Variants in CUX2 observed in about 807,000 individuals in gnomAD.
CUX2 encodes the protein homeobox protein cut-like 2.
CUX2 carries 40 observed loss-of-function variants against 144.8 expected under a neutral mutation model. The ratio of observed to expected loss-of-function variants is 0.28; its 90% CI spans 0.21 to 0.36. CUX2 has a LOEUF of 0.36. CUX2 is among the 10% of genes least tolerant of loss of function. CUX2 has a pLI of 1.00. For missense variants in CUX2, 1,615 were observed against 1,994.0 expected (o/e 0.81, Z 3.62); for synonymous variants, 827 against 875.6 (o/e 0.94, Z 0.98).
At chr12:111,060,194 A>T (rs1398543966) in intron 1 of CUX2, among the ~76,000 whole-genome samples, 1 of 152,106 alleles carries the variant, frequency 6.6e-6, no homozygotes. Flanking sequence ...GCTGGTCGTG[A>T]GCACCTCCCC....
rs79106518 is a variant in CUX2, at chr12:111,283,940, C to T, written c.302-7478C>T. ...CTCTGAAACTCCCCACCAGCCTGGC[C>T]GAGACTTTGTCAGAGTCGTGCTGCA... is the stretch of plus-strand genomic sequence containing the variant. On this transcript the variant is annotated intron_variant, in intron 4 of 21. Coordinates refer to ENST00000261726, the MANE Select transcript of CUX2 (RefSeq NM_015267.4). Among the ~76,000 whole-genome samples, 878 of 152,244 alleles carry T rather than the reference C, an allele frequency of 5.8e-3. 11 individuals carry two copies. Among genetic ancestry groups the T allele is most frequent in the African/African-American group, 0.02 (842 of 41,532 alleles).
chr12:111,114,917 A>C (rs1202470312), intron 1 of CUX2, among the ~76,000 whole-genome samples: 1 of 152,204 alleles, frequency 6.6e-6, no homozygotes, highest in African/African-American at 2.4e-5. Context: ...TTTGCTGGAA[A>C]GATTTTATTT....
intron 1 of CUX2, among the ~76,000 whole-genome samples, chr12:111,071,016 A>G (rs1030922475): frequency 4.0e-5 from 6 of 151,698 alleles, no homozygotes; most frequent in Non-Finnish European, 8.8e-5. Context: ...CACCTACTGA[A>G]GGACATTTTA....
intron 1 of CUX2, among the ~76,000 whole-genome samples, chr12:111,098,395 G>A (rs1432749079): frequency 7.5e-5 from 11 of 145,798 alleles, no homozygotes; most frequent in Admixed American, 2.7e-4. Context: ...GCGAGACTTC[G>A]TCTCAAAAAA....
At chr12:111,203,805 G>C (rs1018996708) in intron 1 of CUX2, among the ~76,000 whole-genome samples, 2 of 152,308 alleles carry the variant, frequency 1.3e-5, no homozygotes, top group Middle Eastern at 3.4e-3. Context: ...CAGTGAGGAG[G>C]CTCCTGTGGT....
chr12:111,132,293 T>A (rs1399359878), intron 1 of CUX2, among the ~76,000 whole-genome samples: 2 of 152,196 alleles, frequency 1.3e-5, no homozygotes, highest in African/African-American at 4.8e-5. Flanking sequence ...GTCCTTAGGC[T>A]GCACACAGCA....
In CUX2 at chr12:111,061,873, C is replaced by T. The variant is rs373362117; in HGVS notation, c.63+27633C>T. 3.3e-4 allele frequency among the ~76,000 whole-genome samples: 50 copies of T among 152,292 alleles called. 1 individual carries two copies. The East Asian group carries it at 7.5e-3, about 23-fold the overall frequency. On this transcript the variant is annotated intron_variant, in intron 1 of 21. Transcript: ENST00000261726. The surrounding 1 kb of genome is among the most constrained non-coding windows in gnomAD (Gnocchi z 4.2). ...GGGCGCCTCGTGGCCAAACACCAGG[C>T]TTTAGAGTCAGGCACAGTCAAGTTC...
rs1463351141 is a variant in CUX2 at position 111,190,413 on chromosome 12, C to G, written c.64-23787C>G. On this transcript the variant is annotated intron_variant, in intron 1 of 21. Coordinates refer to ENST00000261726, the MANE Select transcript of CUX2 (RefSeq NM_015267.4). The surrounding 1 kb of genome is among the most constrained non-coding windows in gnomAD (Gnocchi z 4.0). ...TTCAGCTAGTTATTCACGCACACAC[C>G]CCACACTCTTGTTCCTGACCTTTCT... Among the ~76,000 whole-genome samples the G allele has an allele frequency of 6.6e-6, 1 of 152,130 alleles. No individual in the cohort carries two copies. The highest frequency in any genetic ancestry group is 1.5e-5 in the Non-Finnish European group (1 of 68,028).
chr12:111,333,625 GATGCCAT>G (rs1888212648), intron 18 of CUX2, among the ~76,000 whole-genome samples: 1 of 152,150 alleles, frequency 6.6e-6, no homozygotes, highest in Non-Finnish European at 1.5e-5. Context: ...TCACAGAAGT[GATGCCAT>G]GTCCTTCTCA....
chr12:111,290,351 T>G (rs760428902), intron 4 of CUX2, among the ~76,000 whole-genome samples: 4 of 152,124 alleles, frequency 2.6e-5, no homozygotes, highest in Non-Finnish European at 5.9e-5. Flanking sequence ...AGCCTCGACC[T>G]CCCAGGCTCA....
chr12:111,229,127 C>A (rs1286989536), intron 3 of CUX2, among the ~76,000 whole-genome samples: 1 of 152,174 alleles, frequency 6.6e-6, no homozygotes, highest in Non-Finnish European at 1.5e-5. Flanking sequence ...ATGATTATGA[C>A]TCTAAAATAA....
chr12:111,275,398 A>G (rs1054415019), intron 4 of CUX2, among the ~76,000 whole-genome samples: 2 of 152,130 alleles, frequency 1.3e-5, no homozygotes, highest in South Asian at 2.1e-4. Context: ...TGGTCTGTCT[A>G]TTGACCATCT....
At chr12:111,281,970 G>T (rs777753389) in intron 4 of CUX2, among the ~76,000 whole-genome samples, 1 of 152,164 alleles carries the variant, frequency 6.6e-6, no homozygotes, top group Non-Finnish European at 1.5e-5. Flanking sequence ...GAAAATCTTG[G>T]CCAGGGTGGT....
intron 1 of CUX2, among the ~76,000 whole-genome samples, chr12:111,206,610 T>C (rs1338299824): frequency 6.6e-6 from 1 of 152,240 alleles, no homozygotes; most frequent in Non-Finnish European, 1.5e-5. Flanking sequence ...CTGTGTTGGT[T>C]GGTTTCTGTA....
At chr12:111,056,710 G>A (rs1160321632) in intron 1 of CUX2, among the ~76,000 whole-genome samples, 1 of 152,252 alleles carries the variant, frequency 6.6e-6, no homozygotes. Flanking sequence ...CCCACCACTG[G>A]GTGGAAGGAG....
chr12:111,065,823 C>G (rs887779313), intron 1 of CUX2, among the ~76,000 whole-genome samples: 2 of 152,204 alleles, frequency 1.3e-5, no homozygotes, highest in Non-Finnish European at 2.9e-5. Flanking sequence ...CGAGCTCCAA[C>G]CCAGATCTCC....
chr12:111,317,815 G>C (rs1015334649), intron 16 of CUX2, among the ~76,000 whole-genome samples: 13 of 151,996 alleles, frequency 8.6e-5, no homozygotes, highest in African/African-American at 3.1e-4. Context: ...GGCTAACATG[G>C]TGAAACCCGA....
intron 1 of CUX2, among the ~76,000 whole-genome samples, chr12:111,153,455 G>T (rs758198776): frequency 1.5e-4 from 23 of 152,182 alleles, no homozygotes; most frequent in Admixed American, 6.5e-5. Flanking sequence ...CACCTGGACT[G>T]TTGCTCCTAG....
chr12:111,094,245 C>G (rs61943035), intron 1 of CUX2, among the ~76,000 whole-genome samples: 19 of 152,192 alleles, frequency 1.2e-4, no homozygotes, highest in Non-Finnish European at 2.8e-4. Flanking sequence ...TCGATCACTC[C>G]AAGAGCCGCA....
Sources: allele counts gnomAD v4.1 joint callset (sites outside exome capture counted in the v4.1 genomes callset), GRCh38; gene constraint gnomAD v4.1.1; non-coding constraint Gnocchi (gnomAD v3.1); transcripts MANE v1.5; gene names NCBI Gene and HGNC (gene_info 2026-07-23, HGNC 2026-07-21).